The following CELF4 variants were observed in gnomAD, a reference collection of about 807,000 sequenced individuals.
CELF4 encodes CUGBP Elav-like family member 4, also known as CUG-BP- and ETR-3-like factor 4.
In CELF4, 18 loss-of-function variants were observed where a neutral mutation model predicts 59.9. The ratio of observed to expected loss-of-function variants is 0.30; its 90% confidence interval spans 0.21 to 0.45. The LOEUF is 0.45. Ranked by LOEUF, CELF4 falls within the 20% of genes least tolerant of loss-of-function variation. The pLI is 1.00. For synonymous variants in CELF4, 261 were observed against 267.1 expected (o/e 0.98, Z 0.22); for missense variants, 456 against 689.0 (o/e 0.66, Z 3.79).
At chr18:37,404,023 G>A (rs750723077) in intron 2 of CELF4, among the ~76,000 whole-genome samples, 5 of 152,218 alleles carry the variant, frequency 3.3e-5, no homozygotes, top group East Asian at 3.9e-4. Flanking sequence ...TTTACAGTCA[G>A]CATCTTCCAC....
chr18:37,292,285 C>G (rs550298533), intron 3 of CELF4, among the ~76,000 whole-genome samples: 2 of 152,338 alleles, frequency 1.3e-5, no homozygotes, highest in Admixed American at 6.5e-5. Flanking sequence ...ATGGTGGATA[C>G]TGCATCAATT....
chr18:37,300,801 T>C (rs1314294334), intron 3 of CELF4, among the ~76,000 whole-genome samples: 1 of 152,000 alleles, frequency 6.6e-6, no homozygotes. Flanking sequence ...GGACAGGTCG[T>C]GGGTAGAGGG....
At chr18:37,542,497 C>A (rs1026298398) in intron 1 of CELF4, among the ~76,000 whole-genome samples, 1 of 152,208 alleles carries the variant, frequency 6.6e-6, no homozygotes, top group African/African-American at 2.4e-5. Flanking sequence ...CTCATGGGAG[C>A]ATGGCTGGGC....
chr18:37,452,328 C>T (rs912017716), intron 2 of CELF4, among the ~76,000 whole-genome samples: 4 of 152,208 alleles, frequency 2.6e-5, no homozygotes, highest in South Asian at 2.1e-4. Flanking sequence ...CCAGGACTGT[C>T]ATTTCTGCAC....
At chr18:37,265,627 C>T (rs1335590028) in intron 9 of CELF4, among the ~76,000 whole-genome samples, 2 of 152,164 alleles carry the variant, frequency 1.3e-5, no homozygotes, top group African/African-American at 2.4e-5. Context: ...TGGAAAGGGC[C>T]TGAGGTAGGA....
At chr18:37,379,690 A>C (rs2099014360) in intron 2 of CELF4, among the ~76,000 whole-genome samples, 1 of 152,034 alleles carries the variant, frequency 6.6e-6, no homozygotes, top group South Asian at 2.1e-4. Flanking sequence ...CCTTGCTCAC[A>C]AATGCACCAA....
intron 2 of CELF4, among the ~76,000 whole-genome samples, chr18:37,420,485 G>A (rs2099571269): frequency 6.6e-6 from 1 of 152,192 alleles, no homozygotes; most frequent in Non-Finnish European, 1.5e-5. Context: ...GCGAGAGAGG[G>A]AAATGCATGG....
At chr18:37,452,320 A>C (rs1480920129) in intron 2 of CELF4, among the ~76,000 whole-genome samples, 1 of 152,058 alleles carries the variant, frequency 6.6e-6, no homozygotes, top group Non-Finnish European at 1.5e-5. Context: ...CCTTGAGGCC[A>C]GGACTGTCAT....
At chr18:37,343,327 T>C (rs993585817) in intron 2 of CELF4, among the ~76,000 whole-genome samples, 3 of 117,980 alleles carry the variant, frequency 2.5e-5, no homozygotes, top group African/African-American at 9.2e-5. Context: ...TGGGTGTTGA[T>C]TCTGTGTGTG....
At chr18:37,379,646 T>C (rs1331563892) in intron 2 of CELF4, among the ~76,000 whole-genome samples, 2 of 151,810 alleles carry the variant, frequency 1.3e-5, no homozygotes, top group African/African-American at 2.4e-5. Context: ...CTGAGAACTG[T>C]CTTTTGGGAC....
intron 3 of CELF4, chr18:37,276,553 T>G (rs1316115521): frequency 6.6e-6 from 1 of 152,120 alleles, no homozygotes; most frequent in Non-Finnish European, 1.5e-5. Context: ...GGAAAGGAAC[T>G]GAGGCCCCAG....
intron 2 of CELF4, among the ~76,000 whole-genome samples, chr18:37,386,401 G>C (rs75707624): frequency 3.3e-5 from 5 of 152,212 alleles, no homozygotes; most frequent in African/African-American, 1.2e-4. Context: ...GATACCTTGC[G>C]GTCGTGGGGA....
At chr18:37,270,155 C>A (rs563014309) in intron 8 of CELF4, among the ~76,000 whole-genome samples, 34 of 150,646 alleles carry the variant, frequency 2.3e-4, no homozygotes, top group African/African-American at 7.6e-4. Context: ...TAATCAGGAG[C>A]AGGCCTCTTG....
chr18:37,458,598 T>G (rs1170172389), intron 2 of CELF4, among the ~76,000 whole-genome samples: 1 of 152,242 alleles, frequency 6.6e-6, no homozygotes, highest in African/African-American at 2.4e-5. Flanking sequence ...CCCTGCCGGC[T>G]GACATTTGTA....
intron 2 of CELF4, among the ~76,000 whole-genome samples, chr18:37,423,093 G>C (rs1411265871): frequency 7.1e-6 from 1 of 141,382 alleles, no homozygotes; most frequent in African/African-American, 2.6e-5. Flanking sequence ...GAGACAGAGA[G>C]AGAGAGAGAG....
chr18:37,427,259 C>T (rs2154596003), intron 2 of CELF4, among the ~76,000 whole-genome samples: 1 of 152,288 alleles, frequency 6.6e-6, no homozygotes, highest in African/African-American at 2.4e-5. Flanking sequence ...TGAACACATT[C>T]TTGTTCTTCT....
chr18:37,560,806 C>A (rs571061848), intron 1 of CELF4, among the ~76,000 whole-genome samples: 1 of 152,292 alleles, frequency 6.6e-6, no homozygotes, highest in African/African-American at 2.4e-5. Context: ...GAAAAAAACA[C>A]CCAAAACCCC....
intron 2 of CELF4, among the ~76,000 whole-genome samples, chr18:37,425,910 A>G (rs887100103): frequency 6.6e-6 from 1 of 152,238 alleles, no homozygotes; most frequent in Non-Finnish European, 1.5e-5. Flanking sequence ...TAGCACCTCC[A>G]TTCCCCAGAG....
chr18:37,529,839 C>T (rs116059207), intron 1 of CELF4, among the ~76,000 whole-genome samples: 1 of 152,172 alleles, frequency 6.6e-6, no homozygotes, highest in Admixed American at 6.5e-5. Context: ...GAAAAATGTA[C>T]GTGCCTGGAC....
Sources: gnomAD v4.1 joint callset for allele counts (sites outside exome capture counted in the v4.1 genomes callset) on GRCh38, gnomAD v4.1.1 for gene constraint, MANE v1.5 for transcripts, NCBI Gene and HGNC (gene_info 2026-07-23, HGNC 2026-07-21) for gene names.